Variants in TSC22D1 observed in about 807,000 individuals in gnomAD.
TSC22D1 encodes the protein TSC22 domain family protein 1.
A neutral mutation model predicts 74.2 loss-of-function variants in TSC22D1; 9 were observed. The ratio of observed to expected loss-of-function variants is 0.12; its 90% CI spans 0.07 to 0.21. The LOEUF (loss-of-function observed/expected upper bound fraction) is 0.21. TSC22D1 is among the 10% of genes least tolerant of loss of function. TSC22D1 has a pLI of 1.00. For missense variants in TSC22D1, 1,427 were observed against 1,304.7 expected (o/e 1.09, Z -1.44); for synonymous variants, 586 against 492.5 (o/e 1.19, Z -2.51).
At chr13:44,506,294 A>G (rs527375269) in intron 1 of TSC22D1, among the ~76,000 whole-genome samples, 32 of 152,328 alleles carry the variant, frequency 2.1e-4, no homozygotes, top group African/African-American at 7.0e-4. Context: ...ATGCCTAAGA[A>G]AAAGCAAGAC....
intron 1 of TSC22D1, among the ~76,000 whole-genome samples, chr13:44,553,221 T>G (rs1882407732): frequency 6.6e-6 from 1 of 152,200 alleles, no homozygotes; most frequent in Non-Finnish European, 1.5e-5. Context: ...ATGAAAGAGT[T>G]GGATTTCAAT....
At chr13:44,474,285 T>A (rs531154074) in intron 1 of TSC22D1, 1 of 985,402 alleles carries the variant, frequency 1.0e-6, no homozygotes, top group South Asian at 4.7e-5. Context: ...CTTGGGCCTC[T>A]CTTCCCACCC....
chr13:44,536,747 T>C, intron 1 of TSC22D1: 1 of 984,830 alleles, frequency 1.0e-6, no homozygotes, highest in Non-Finnish European at 1.2e-6. Flanking sequence ...AGAGTTTTAA[T>C]GGTTTGCAAA....
chr13:44,574,836 A>G lies in TSC22D1; in HGVS notation c.1239T>C (p.Asp413=), dbSNP rs1297540337. The change falls in exon 1 of 3, where the codon GAT becomes GAC. Residue 413 remains aspartate (D), a synonymous_variant. Transcript: ENST00000458659. ...CTTTTTTAAAGGGCTCAGAACTAGA[A>G]TCTAACTTCACAACTCTGAACCTCG... ...NTSRFRVVKL[D]SSSEPFKKGR... is the part of the protein sequence containing the mutation. The G allele has an allele frequency of 1.2e-6, 2 of 1,614,050 alleles. No homozygotes were observed. Among genetic ancestry groups the G allele is most frequent in the Non-Finnish European group, 1.7e-6 (2 of 1,180,034 alleles).
At chr13:44,561,449 T>C (rs1028268987) in intron 1 of TSC22D1, among the ~76,000 whole-genome samples, 1 of 152,188 alleles carries the variant, frequency 6.6e-6, no homozygotes, top group African/African-American at 2.4e-5. Context: ...TCCAGACTTC[T>C]CAATCTTACA....
chr13:44,551,390 GTGTGT>G (rs1882251592), intron 1 of TSC22D1, among the ~76,000 whole-genome samples: 1 of 23,214 alleles, frequency 4.3e-5, no homozygotes, highest in African/African-American at 1.9e-4. Context: ...AATCAGATGG[GTGTGT>G]GTGTGTGTGT....
intron 1 of TSC22D1, chr13:44,537,185 T>C: frequency 1.2e-6 from 1 of 868,500 alleles, no homozygotes; most frequent in Non-Finnish European, 1.4e-6. Context: ...TAGAAAAAAA[T>C]AGTTTATATT....
At chr13:44,544,525 A>T (rs1595151793) in intron 1 of TSC22D1, among the ~76,000 whole-genome samples, 1 of 151,670 alleles carries the variant, frequency 6.6e-6, no homozygotes, top group East Asian at 1.9e-4. Flanking sequence ...GTGTGTTAAA[A>T]AGAATTTTTT....
At chr13:44,545,202 G>A (rs915748725) in intron 1 of TSC22D1, among the ~76,000 whole-genome samples, 1 of 152,118 alleles carries the variant, frequency 6.6e-6, no homozygotes, top group South Asian at 2.1e-4. Flanking sequence ...GGGTGTGGTG[G>A]CACACGCCTG....
chr13:44,456,312 A>T (rs554266803), intron 1 of TSC22D1, among the ~76,000 whole-genome samples: 8 of 152,322 alleles, frequency 5.3e-5, no homozygotes, highest in South Asian at 2.1e-4. Context: ...CCCTGCCCAC[A>T]TCCTGCTGAT....
chr13:44,513,663 G>A (rs1187386535), intron 1 of TSC22D1, among the ~76,000 whole-genome samples: 1 of 152,172 alleles, frequency 6.6e-6, no homozygotes. Flanking sequence ...TTTTCATTCA[G>A]ATTCAGAGTT....
At chr13:44,472,798 G>A (rs1265239444) in intron 1 of TSC22D1, among the ~76,000 whole-genome samples, 1 of 152,166 alleles carries the variant, frequency 6.6e-6, no homozygotes, top group Non-Finnish European at 1.5e-5. Flanking sequence ...TCTTTGTTTT[G>A]AGGTATATAT....
chr13:44,566,436 T>C (rs1372837943), intron 1 of TSC22D1, among the ~76,000 whole-genome samples: 1 of 152,230 alleles, frequency 6.6e-6, no homozygotes, highest in African/African-American at 2.4e-5. Context: ...CTAACATTTT[T>C]CATCACTTCT....
rs61947992 is a variant in TSC22D1 at position 44,573,380 on chromosome 13, C to T, written c.2695G>A (p.Ala899Thr). 8.8e-3 allele frequency: 14,232 copies of T among 1,614,212 alleles called. 90 individuals carry two copies. Among genetic ancestry groups the T allele is most frequent in the Non-Finnish European group, 9.8e-3 (11,575 of 1,180,042 alleles). ...CCAATTGCCTGAGCTAATGATTGTG[C>T]GGAGAACTGGGTAGAACTTAGTGGT... ...QIPLSSTQFS[A>T]QSLAQAIGSQ... is the part of the protein sequence containing the mutation. Residue 899 changes from alanine (A) to threonine (T), a missense_variant, in exon 1 of 3, where the codon GCA becomes ACA. Around this residue, in one of 3 missense-constraint regions of TSC22D1, gnomAD observed 1,343 missense variants for 1,191.5 expected, o/e 1.13. Transcript: ENST00000458659.
At chr13:44,564,874 G>A (rs1164313486) in intron 1 of TSC22D1, among the ~76,000 whole-genome samples, 2 of 152,026 alleles carry the variant, frequency 1.3e-5, no homozygotes, top group African/African-American at 4.8e-5. Context: ...AAAAGATGAA[G>A]ATATATTTTA....
rs540572737 is a variant in TSC22D1, at chr13:44,545,023, A to T, written c.2912+28140T>A. ...AAAAGGATAAGGCAACCTAAGGGTC[A>T]AGAAAACTAAATATAAAAATGATTA... On this transcript the variant is annotated intron_variant, in intron 1 of 2. Coordinates refer to ENST00000458659, the MANE Select transcript of TSC22D1 (RefSeq NM_183422.4). Among the ~76,000 whole-genome samples the T allele has an allele frequency of 1.1e-3, 175 of 152,310 alleles. 1 individual carries two copies. Among genetic ancestry groups the T allele is most frequent in the Non-Finnish European group, 5.1e-4 (35 of 68,022 alleles).
intron 1 of TSC22D1, among the ~76,000 whole-genome samples, chr13:44,488,157 T>TCAAA (rs1333402417): frequency 6.6e-6 from 1 of 152,184 alleles, no homozygotes; most frequent in Non-Finnish European, 1.5e-5. Context: ...AGTATTTGTT[T>TCAAA]CAAAATGAGT....
At position 44,504,315 on chromosome 13, in the gene TSC22D1, C is replaced by T. The variant is rs143260882; in HGVS notation, c.2913-68220G>A. 6.8e-3 allele frequency among the ~76,000 whole-genome samples: 1,012 copies of T among 148,378 alleles called. 6 individuals carry two copies. The highest frequency in any genetic ancestry group is 0.011 in the Non-Finnish European group (723 of 67,234). ...TCTCTCTTAAAAGTCTCAAGTGACT[C>T]TCTTAAAAGTCACTGGGTGGGCCCA... On this transcript the variant is annotated intron_variant, in intron 1 of 2. Coordinates refer to ENST00000458659, the MANE Select transcript of TSC22D1 (RefSeq NM_183422.4).
chr13:44,555,449 T>TA (rs1399878461), intron 1 of TSC22D1, among the ~76,000 whole-genome samples: 4 of 151,864 alleles, frequency 2.6e-5, no homozygotes, highest in African/African-American at 9.7e-5. Flanking sequence ...CTACTAAAAA[T>TA]ACAAAAATAA....
Sources: gnomAD v4.1 joint callset for allele counts (sites outside exome capture counted in the v4.1 genomes callset) on GRCh38, gnomAD v4.1.1 for gene constraint, gnomAD v4.1.1 regional missense constraint, MANE v1.5 for transcripts, NCBI Gene and HGNC (gene_info 2026-07-23, HGNC 2026-07-21) for gene names.